Variants in EBF2 observed in about 807,000 individuals in gnomAD.
The protein encoded by EBF2 is transcription factor COE2.
EBF2 carries 21 observed loss-of-function variants against 72.8 expected under a neutral mutation model. That is an observed-to-expected ratio of 0.29 (90% confidence interval 0.20 to 0.42). The LOEUF is 0.42. EBF2 is among the 10% of genes least tolerant of loss of function. The pLI, the probability that EBF2 is intolerant of heterozygous loss-of-function variation, is 1.00. For missense variants in EBF2, 637 were observed against 731.2 expected (o/e 0.87, Z 1.49); for synonymous variants, 299 against 274.2 (o/e 1.09, Z -0.89).
chr8:25,917,380 T>C (rs1328512554), intron 6 of EBF2, among the ~76,000 whole-genome samples: 1 of 152,136 alleles, frequency 6.6e-6, no homozygotes, highest in African/African-American at 2.4e-5. Context: ...TGGGCTTGAA[T>C]TGGAATGAGA....
intron 6 of EBF2, among the ~76,000 whole-genome samples, chr8:25,954,280 A>T (rs1286126633): frequency 6.6e-6 from 1 of 152,172 alleles, no homozygotes; most frequent in Non-Finnish European, 1.5e-5. Context: ...CCATTCTGGC[A>T]TCCACAGCAT....
intron 6 of EBF2, among the ~76,000 whole-genome samples, chr8:25,927,472 GC>G (rs1271713102): frequency 1.3e-5 from 2 of 151,646 alleles, no homozygotes; most frequent in Non-Finnish European, 2.9e-5. Flanking sequence ...GAGAACCCTG[GC>G]TGATTCAAGG....
At chr8:25,985,225 G>A (rs187928172) in intron 6 of EBF2, among the ~76,000 whole-genome samples, 1 of 152,178 alleles carries the variant, frequency 6.6e-6, no homozygotes, top group East Asian at 1.9e-4. Context: ...CCAAGTGTAA[G>A]AGTGCCCTTT....
At chr8:25,890,847 C>G (rs1802765920) in intron 7 of EBF2, among the ~76,000 whole-genome samples, 1 of 152,172 alleles carries the variant, frequency 6.6e-6, no homozygotes, top group Non-Finnish European at 1.5e-5. Context: ...ATCAGAAGCA[C>G]TTCTAGATGC....
At chr8:25,926,053 C>G (rs1320602601) in intron 6 of EBF2, among the ~76,000 whole-genome samples, 1 of 152,160 alleles carries the variant, frequency 6.6e-6, no homozygotes, top group Non-Finnish European at 1.5e-5. Flanking sequence ...AATAGGTGTT[C>G]TAAAGAGTCT....
chr8:25,964,988 T>C (rs954150722), intron 6 of EBF2, among the ~76,000 whole-genome samples: 4 of 152,226 alleles, frequency 2.6e-5, no homozygotes, highest in African/African-American at 9.7e-5. Context: ...TATCAATAAT[T>C]GATGGAGCTA....
At chr8:26,003,525 A>G (rs1467275474) in intron 6 of EBF2, among the ~76,000 whole-genome samples, 2 of 152,156 alleles carry the variant, frequency 1.3e-5, no homozygotes, top group African/African-American at 4.8e-5. Flanking sequence ...CTTCAGGACA[A>G]TGGAGCTTGT....
intron 6 of EBF2, among the ~76,000 whole-genome samples, chr8:25,984,788 A>G (rs1804421177): frequency 6.6e-6 from 1 of 152,178 alleles, no homozygotes; most frequent in Non-Finnish European, 1.5e-5. Flanking sequence ...GAACAGCCCA[A>G]GGTTTTTGCT....
At chr8:26,039,990 G>A (rs1166791800) in intron 5 of EBF2, 38 bp downstream of exon 5, 2 of 1,603,380 alleles carry the variant, frequency 1.2e-6, no homozygotes, top group South Asian at 2.2e-5. Context: ...GAGCACCTGC[G>A]GGCTCTCCAG....
At chr8:25,857,009 G>A (rs1409849711) in intron 14 of EBF2, among the ~76,000 whole-genome samples, 1 of 152,066 alleles carries the variant, frequency 6.6e-6, no homozygotes, top group African/African-American at 2.4e-5. Context: ...CTATTTGACT[G>A]CAATAATTCC....
intron 10 of EBF2, among the ~76,000 whole-genome samples, chr8:25,863,943 G>T (rs2117265330): frequency 6.6e-6 from 1 of 152,146 alleles, no homozygotes; most frequent in Middle Eastern, 3.4e-3. Context: ...ACTTCCCCAA[G>T]ATCATTAACT....
At chr8:26,027,474 A>AAAAAT (rs1250238094) in intron 6 of EBF2, among the ~76,000 whole-genome samples, 1 of 6,630 alleles carries the variant, frequency 1.5e-4, no homozygotes, top group Non-Finnish European at 2.8e-4. Flanking sequence ...CTACTATCAA[A>AAAAAT]AAAATAAAAT....
At chr8:25,874,287 G>A (rs1802484862) in intron 10 of EBF2, among the ~76,000 whole-genome samples, 1 of 152,140 alleles carries the variant, frequency 6.6e-6, no homozygotes, top group Admixed American at 6.5e-5. Flanking sequence ...CCTTGGGGAG[G>A]AGGCTGTTCA....
intron 6 of EBF2, among the ~76,000 whole-genome samples, chr8:25,933,043 T>A (rs965332116): frequency 9.9e-5 from 15 of 152,208 alleles, no homozygotes; most frequent in African/African-American, 3.6e-4. Flanking sequence ...CACGTTCTGA[T>A]GGAAGTGCAT....
intron 6 of EBF2, among the ~76,000 whole-genome samples, chr8:26,023,368 C>T (rs1040345426): frequency 9.2e-5 from 14 of 152,194 alleles, no homozygotes; most frequent in Non-Finnish European, 1.9e-4. Flanking sequence ...GACCCATCCA[C>T]TTCCTAGCAA....
chr8:25,854,649 AT>A (rs1405086277), intron 14 of EBF2, among the ~76,000 whole-genome samples: 2 of 152,136 alleles, frequency 1.3e-5, no homozygotes, highest in African/African-American at 2.4e-5. Context: ...GAATACTACT[AT>A]TTTAATAGGC....
chr8:25,887,126 TC>T (rs1802703922), intron 9 of EBF2, among the ~76,000 whole-genome samples: 1 of 151,876 alleles, frequency 6.6e-6, no homozygotes, highest in Non-Finnish European at 1.5e-5. Context: ...TGTCTCTCTC[TC>T]TCTCTCTCTG....
chr8:25,910,562 T>C (rs1284240463), intron 6 of EBF2, among the ~76,000 whole-genome samples: 1 of 152,210 alleles, frequency 6.6e-6, no homozygotes, highest in East Asian at 1.9e-4. Context: ...GGCATTATTA[T>C]ATGAATGGTG....
chr8:25,858,650 GCT>G, intron 13 of EBF2, 146 bp from the exon 14 acceptor site: 6 of 224,264 alleles, frequency 2.7e-5, no homozygotes, highest in South Asian at 7.5e-5. Flanking sequence ...TCCATCTTTA[GCT>G]TTTTTTTTTT....
Sources: gnomAD v4.1 joint callset for allele counts (sites outside exome capture counted in the v4.1 genomes callset) on GRCh38, gnomAD v4.1.1 for gene constraint, MANE v1.5 for transcripts, NCBI Gene and HGNC (gene_info 2026-07-23, HGNC 2026-07-21) for gene names.